KCNE1: variants seen among roughly 807,000 people sequenced by gnomAD.
KCNE1 encodes the protein potassium voltage-gated channel subfamily E member 1.
KCNE1 carries 1 observed loss-of-function variant against 2.9 expected under a neutral mutation model. That is an observed-to-expected ratio of 0.34 (90% CI 0.12 to 1.62). The LOEUF (loss-of-function observed/expected upper bound fraction) is 1.62, where lower values mean the gene tolerates loss of function less well. Ranked by LOEUF, KCNE1 falls within the 40% of genes most tolerant of loss-of-function variation. KCNE1 has a pLI of 0.36. For synonymous variants in KCNE1, 23 were observed against 65.4 expected, an observed-to-expected ratio of 0.35 and a Z score of 3.13; for missense variants, 45 against 150.5, an observed-to-expected ratio of 0.30 and a Z score of 3.67.
At chr21:34,499,599 G>C (rs1983040893) in intron 2 of KCNE1, among the ~76,000 whole-genome samples, 1 of 152,302 alleles carries the variant, frequency 6.6e-6, no homozygotes, top group Admixed American at 6.5e-5. Flanking sequence ...TGTCTACAAG[G>C]CTCTTCCCAC....
intron 2 of KCNE1, among the ~76,000 whole-genome samples, chr21:34,507,610 A>T (rs1228388617): frequency 6.6e-6 from 1 of 152,242 alleles, no homozygotes; most frequent in African/African-American, 2.4e-5. Context: ...GGGGTACCCC[A>T]GAATGTCCCT....
chr21:34,497,636 A>C (rs1252939140), intron 2 of KCNE1, among the ~76,000 whole-genome samples: 1 of 152,156 alleles, frequency 6.6e-6, no homozygotes, highest in Non-Finnish European at 1.5e-5. Context: ...TCTTGACTTT[A>C]GATAATCTGA....
intron 2 of KCNE1, among the ~76,000 whole-genome samples, chr21:34,500,994 T>C (rs1465994379): frequency 6.6e-6 from 1 of 152,162 alleles, no homozygotes; most frequent in Non-Finnish European, 1.5e-5. Flanking sequence ...GGTAAGACCT[T>C]TGGGGACAAG....
intron 2 of KCNE1, among the ~76,000 whole-genome samples, chr21:34,500,535 T>C (rs1232522275): frequency 2.6e-5 from 4 of 152,222 alleles, no homozygotes; most frequent in African/African-American, 9.6e-5. Flanking sequence ...ACTTACATGG[T>C]TCAAAAGTCA....
At chr21:34,454,362 A>T (rs546421462) in intron 3 of KCNE1, among the ~76,000 whole-genome samples, 1 of 24,828 alleles carries the variant, frequency 4.0e-5, no homozygotes, top group Non-Finnish European at 7.2e-5. Flanking sequence ...CCTCTGATAC[A>T]GTCTGAAAAG....
At chr21:34,452,739 T>G (rs1981406305) in intron 3 of KCNE1, among the ~76,000 whole-genome samples, 1 of 41,140 alleles carries the variant, frequency 2.4e-5, no homozygotes. Context: ...TTCAGTCAAG[T>G]TTTTTTTTTT....
chr21:34,498,990 G>A (rs2123507277), intron 2 of KCNE1, among the ~76,000 whole-genome samples: 1 of 152,290 alleles, frequency 6.6e-6, no homozygotes, highest in Non-Finnish European at 1.5e-5. Context: ...TCAACTACCA[G>A]GGCAGGTAGA....
intron 2 of KCNE1, among the ~76,000 whole-genome samples, chr21:34,499,437 A>G (rs74497317): frequency 0.054 from 8,152 of 152,216 alleles, 221 homozygotes; most frequent in Non-Finnish European, 0.061. Flanking sequence ...TCTGTTCAAG[A>G]GAATTTGCAC....
chr21:34,503,545 G>A (rs564805431), intron 2 of KCNE1, among the ~76,000 whole-genome samples: 12 of 152,310 alleles, frequency 7.9e-5, no homozygotes, highest in Admixed American at 3.9e-4. Flanking sequence ...TGGAAGTGGG[G>A]CTGTAAGTCC....
chr21:34,501,722 T>C (rs945350685), intron 2 of KCNE1, among the ~76,000 whole-genome samples: 8 of 152,140 alleles, frequency 5.3e-5, no homozygotes, highest in African/African-American at 9.7e-5. Context: ...TCTAAGTACA[T>C]GGGCCCCAGG....
chr21:34,511,798 C>T (rs1915247285), intron 1 of KCNE1, among the ~76,000 whole-genome samples: 1 of 152,188 alleles, frequency 6.6e-6, no homozygotes, highest in African/African-American at 2.4e-5. Context: ...CTTCACCACG[C>T]TGCCCTCATT....
chr21:34,510,029 C>G (rs1031808524), intron 2 of KCNE1: 2 of 152,294 alleles, frequency 1.3e-5, no homozygotes, highest in African/African-American at 4.8e-5. Flanking sequence ...TATAAAGGAA[C>G]GTAATCACAG....
At chr21:34,449,801 A>G in intron 3 of KCNE1, 117 bp from the exon 4 acceptor site, 1 of 430,412 alleles carries the variant, frequency 2.3e-6, no homozygotes, top group South Asian at 2.9e-5. Flanking sequence ...CTGACACTCC[A>G]CAGGCCATGG....
chr21:34,497,135 A>C (rs1275184798), intron 2 of KCNE1, among the ~76,000 whole-genome samples: 1 of 152,160 alleles, frequency 6.6e-6, no homozygotes, highest in Non-Finnish European at 1.5e-5. Flanking sequence ...GTATCTTTTA[A>C]GTGGAGCATT....
intron 2 of KCNE1, among the ~76,000 whole-genome samples, chr21:34,498,524 A>G (rs1982945989): frequency 6.6e-6 from 1 of 152,198 alleles, no homozygotes; most frequent in African/African-American, 2.4e-5. Context: ...GTGCTGCGGA[A>G]TGTCTGCAAA....
intron 2 of KCNE1, among the ~76,000 whole-genome samples, chr21:34,500,978 A>G (rs1983134108): frequency 6.6e-6 from 1 of 152,176 alleles, no homozygotes; most frequent in East Asian, 1.9e-4. Context: ...TGGAGTGGAT[A>G]AGGAAGGTAA....
intron 2 of KCNE1, among the ~76,000 whole-genome samples, chr21:34,499,976 CA>C: frequency 6.6e-6 from 1 of 152,192 alleles, no homozygotes; most frequent in African/African-American, 2.4e-5. Context: ...TAAAACCTGG[CA>C]ATTTATTTTT....
intron 2 of KCNE1, among the ~76,000 whole-genome samples, chr21:34,497,651 T>C (rs1315368750): frequency 6.6e-6 from 1 of 152,222 alleles, no homozygotes; most frequent in Non-Finnish European, 1.5e-5. Flanking sequence ...ATCTGATGAC[T>C]ACATGCCTAG....
intron 2 of KCNE1, among the ~76,000 whole-genome samples, chr21:34,499,481 C>T (rs1222007205): frequency 6.6e-6 from 1 of 152,228 alleles, no homozygotes; most frequent in Non-Finnish European, 1.5e-5. Flanking sequence ...CACTTGGAAG[C>T]TTCTTTCACC....
Sources: allele counts gnomAD v4.1 joint callset (sites outside exome capture counted in the v4.1 genomes callset), GRCh38; gene constraint gnomAD v4.1.1; transcripts MANE v1.5; gene names NCBI Gene and HGNC (gene_info 2026-07-23, HGNC 2026-07-21).